SPOCK3: variants seen among roughly 807,000 people sequenced by gnomAD.
SPOCK3 encodes the protein SPARC (osteonectin), cwcv and kazal like domains proteoglycan 3.
In SPOCK3, 30 loss-of-function variants were observed where a neutral mutation model predicts 56.6. The ratio of observed to expected loss-of-function variants is 0.53; its 90% confidence interval spans 0.40 to 0.72. SPOCK3 has a LOEUF of 0.72. Ranked by LOEUF, SPOCK3 falls within the 30% of genes least tolerant of loss-of-function variation. The pLI is 0.00. For synonymous variants in SPOCK3, 196 were observed against 183.3 expected (o/e 1.07, Z -0.56); for missense variants, 527 against 530.0 (o/e 0.99, Z 0.06).
chr4:166,785,632 G>T (rs1740651965), intron 7 of SPOCK3, among the ~76,000 whole-genome samples: 1 of 149,200 alleles, frequency 6.7e-6, no homozygotes, highest in Non-Finnish European at 1.5e-5. Context: ...GGTATGTGAA[G>T]CTAGAAAATC....
rs374854296 is a variant in SPOCK3 at position 167,147,000 on chromosome 4, CA to C, written c.190-84464del. ...GGAGATAGAGACACGAAAAACCCTTCAAAAAATCAATGAATCCAGGAGTTGG... is the reference window on the plus strand; with the variant it reads ...GGAGATAGAGACACGAAAAACCCTTCAAAAATCAATGAATCCAGGAGTTGG... On this transcript the variant is annotated intron_variant, in intron 2 of 10. Transcript: ENST00000357545. Among the ~76,000 whole-genome samples the C allele has an allele frequency of 2.1e-4, 32 of 151,928 alleles. No individual in the cohort carries two copies. The East Asian group carries it at 6.2e-3, about 29-fold the overall frequency.
At chr4:166,972,237 G>C (rs2150076014) in intron 4 of SPOCK3, among the ~76,000 whole-genome samples, 1 of 152,234 alleles carries the variant, frequency 6.6e-6, no homozygotes, top group East Asian at 1.9e-4. Flanking sequence ...AGCTTCAGAA[G>C]TGCTTGCTAC....
intron 6 of SPOCK3, among the ~76,000 whole-genome samples, chr4:166,845,057 A>G (rs1394867601): frequency 6.6e-6 from 1 of 152,250 alleles, no homozygotes; most frequent in Non-Finnish European, 1.5e-5. Flanking sequence ...ATTCACAAAC[A>G]TGATTGAATT....
chr4:166,956,972 G>A (rs1162214262), intron 4 of SPOCK3, among the ~76,000 whole-genome samples: 1 of 152,108 alleles, frequency 6.6e-6, no homozygotes, highest in Non-Finnish European at 1.5e-5. Flanking sequence ...AAGAAAACAC[G>A]GCCAGGCATG....
At chr4:167,198,554 T>A (rs1017830674) in intron 2 of SPOCK3, among the ~76,000 whole-genome samples, 6 of 152,226 alleles carry the variant, frequency 3.9e-5, no homozygotes, top group African/African-American at 1.4e-4. Flanking sequence ...AAGGCCAGTA[T>A]ATACAATCTA....
At position 166,775,495 on chromosome 4, in the gene SPOCK3, A is replaced by T. The variant is rs188674344; in HGVS notation, c.709+16675T>A. ...AAATGCCTGTTGAACTTTCAAGAGA[A>T]GATTGGAACACAAAGTTAAATGTAA... On this transcript the variant is annotated intron_variant, in intron 7 of 10. Coordinates refer to ENST00000357545, the MANE Select transcript of SPOCK3 (RefSeq NM_001040159.2). 6.6e-5 allele frequency among the ~76,000 whole-genome samples: 10 copies of T among 152,306 alleles called. No homozygotes were observed. In the East Asian group the frequency reaches 1.9e-3, roughly 29 times the overall value.
intron 2 of SPOCK3, among the ~76,000 whole-genome samples, chr4:167,092,551 A>G (rs1458623053): frequency 6.6e-6 from 1 of 152,180 alleles, no homozygotes; most frequent in East Asian, 1.9e-4. Context: ...GTAACTCTAC[A>G]TTCTTCGTAG....
intron 2 of SPOCK3, among the ~76,000 whole-genome samples, chr4:167,141,648 C>T (rs1763539597): frequency 2.0e-5 from 3 of 151,952 alleles, no homozygotes; most frequent in African/African-American, 4.8e-5. Context: ...CATTTTATTA[C>T]ACCTCCAGAA....
chr4:167,037,707 C>T (rs1425873275), intron 3 of SPOCK3, among the ~76,000 whole-genome samples: 1 of 152,102 alleles, frequency 6.6e-6, no homozygotes, highest in Non-Finnish European at 1.5e-5. Context: ...AAAGAAGTCA[C>T]TATAGATGAA....
intron 2 of SPOCK3, among the ~76,000 whole-genome samples, chr4:167,103,010 C>A (rs1473370045): frequency 6.7e-6 from 1 of 149,500 alleles, no homozygotes; most frequent in Non-Finnish European, 1.5e-5. Flanking sequence ...TGTCTTACAT[C>A]TTGAATATAA....
At chr4:166,777,452 TTGAC>T (rs750611929) in intron 7 of SPOCK3, among the ~76,000 whole-genome samples, 2 of 152,120 alleles carry the variant, frequency 1.3e-5, no homozygotes, top group Non-Finnish European at 2.9e-5. Context: ...TTCTGAGAGA[TTGAC>T]TGGGAGATTA....
intron 7 of SPOCK3, among the ~76,000 whole-genome samples, chr4:166,764,298 G>A (rs1055962220): frequency 5.9e-5 from 9 of 152,070 alleles, no homozygotes; most frequent in East Asian, 3.9e-4. Context: ...CCATTAACTC[G>A]TCATTTACAT....
intron 3 of SPOCK3, among the ~76,000 whole-genome samples, chr4:167,024,841 T>C (rs895657545): frequency 1.1e-4 from 17 of 151,874 alleles, no homozygotes; most frequent in African/African-American, 3.9e-4. Flanking sequence ...CCCAATAACC[T>C]ATGGAAAAAT....
At chr4:166,744,470 G>T (rs7674681) in intron 8 of SPOCK3, among the ~76,000 whole-genome samples, 1 of 151,804 alleles carries the variant, frequency 6.6e-6, no homozygotes, top group Non-Finnish European at 1.5e-5. Context: ...CACCAAGACC[G>T]CATCTGTAGG....
rs573909213 is a variant in SPOCK3 at position 166,843,672 on chromosome 4, A to C, written c.589+45458T>G. Among the ~76,000 whole-genome samples the C allele has an allele frequency of 8.5e-5, 13 of 152,330 alleles. No individual in the cohort carries two copies. In the East Asian group the frequency reaches 2.3e-3, roughly 27 times the overall value. ...CTTGATTGCAGCCTTGTGAGTACTC[A>C]AGCAAAGGATCCAGTTGGCTCTGAA... On this transcript the variant is annotated intron_variant, in intron 6 of 10. Coordinates refer to ENST00000357545, the MANE Select transcript of SPOCK3 (RefSeq NM_001040159.2).
At chr4:167,117,159 G>A (rs988684392) in intron 2 of SPOCK3, among the ~76,000 whole-genome samples, 14 of 151,622 alleles carry the variant, frequency 9.2e-5, no homozygotes, top group Non-Finnish European at 5.9e-5. Flanking sequence ...ATTACACATT[G>A]TATGCTTGTA....
intron 6 of SPOCK3, among the ~76,000 whole-genome samples, chr4:166,800,530 C>T (rs1186559638): frequency 6.6e-6 from 1 of 151,950 alleles, no homozygotes; most frequent in Admixed American, 6.6e-5. Context: ...ATTGATGATC[C>T]TGACCCTATG....
chr4:167,195,254 T>A (rs1221427122), intron 2 of SPOCK3, among the ~76,000 whole-genome samples: 1 of 152,160 alleles, frequency 6.6e-6, no homozygotes, highest in East Asian at 1.9e-4. Flanking sequence ...CAGAGCTGCT[T>A]CAAGTGAGTC....
intron 3 of SPOCK3, among the ~76,000 whole-genome samples, chr4:167,051,315 C>T (rs1754176609): frequency 6.6e-6 from 1 of 152,118 alleles, no homozygotes; most frequent in Admixed American, 6.6e-5. Context: ...CAGCAGAGGC[C>T]TCCTGGTAAA....
Sources: allele counts gnomAD v4.1 joint callset (sites outside exome capture counted in the v4.1 genomes callset), GRCh38; gene constraint gnomAD v4.1.1; transcripts MANE v1.5; gene names NCBI Gene and HGNC (gene_info 2026-07-23, HGNC 2026-07-21).